DNASE2: variants seen among roughly 807,000 people sequenced by gnomAD.
The protein encoded by DNASE2 is deoxyribonuclease 2, lysosomal.
A neutral mutation model predicts 29.8 loss-of-function variants in DNASE2; 26 were observed. The observed-to-expected ratio is 0.87, with a 90% CI of 0.64 to 1.21. DNASE2 has a LOEUF of 1.21. DNASE2 is among the 50% of genes most tolerant of loss of function. The pLI, the probability that DNASE2 is intolerant of heterozygous loss-of-function variation, is 0.00. For missense variants in DNASE2, 415 were observed against 455.6 expected (o/e 0.91, Z 0.81); for synonymous variants, 186 against 193.5 (o/e 0.96, Z 0.32).
Position 12,878,708 on chromosome 19 carries a change from A to G in DNASE2, c.473T>C (p.Leu158Pro). ...CTGAGCGAAGGGAAAAGACACACAG[A>G]GCAGGGTCTGCCCGTAGGTACAGGC... Reference protein sequence around the residue: ...HSACTYGQTLLCVSFPFAQFS... With the variant: ...HSACTYGQTLPCVSFPFAQFS... Residue 158 changes from leucine (L) to proline (P), a missense_variant, in exon 4 of 6, where the codon CTC (leucine) becomes CCC (proline). Physicochemically the swap from Leu to Pro is moderately conservative, Grantham distance 98 (BLOSUM62 -3). Transcript: ENST00000222219. The G allele has an allele frequency of 6.2e-7, 1 of 1,614,124 alleles. No homozygotes were observed. The highest frequency in any genetic ancestry group is 8.5e-7 in the Non-Finnish European group (1 of 1,180,012).
Position 12,880,889 on chromosome 19 carries a change from G to A in DNASE2, c.268-9C>T, listed in dbSNP as rs1970372711. The A allele has an allele frequency of 1.9e-6, 3 of 1,614,180 alleles. No individual in the cohort carries two copies. Among genetic ancestry groups the A allele is most frequent in the Non-Finnish European group, 8.5e-7 (1 of 1,180,044 alleles). On this transcript the variant is annotated splice_polypyrimidine_tract_variant and intron_variant, in intron 2 of 5. Transcript: ENST00000222219. ...TAGAGCAGGAAGGCGAGCTGCGGGC[G>A]GATAAACGGAGGCAACGTGAAATTC... is the stretch of plus-strand genomic sequence containing the variant.
Position 12,881,080 on chromosome 19 carries a change from A to C in DNASE2, c.159T>G (p.Tyr53Ter), listed in dbSNP as rs761955046. 6.2e-7 allele frequency: 1 copy of C among 1,612,596 alleles called. No homozygotes were observed. Among genetic ancestry groups the C allele is most frequent in the Non-Finnish European group, 8.5e-7 (1 of 1,179,988 alleles). Reference sequence around the variant, plus strand: ...GCCAGCCTCCGGAGCTCTCGTCCAGATACTTGTACTGCAGCCCTCTCTGCG... The same window carrying C: ...GCCAGCCTCCGGAGCTCTCGTCCAGCTACTTGTACTGCAGCCCTCTCTGCG... ...EAAQRGLQYK[Y>*]LDESSGGWRD... The change falls in exon 2 of 6, where the codon TAT (tyrosine) becomes TAG (stop). Residue 53 changes from tyrosine (Y) to a stop codon, truncating the protein, a stop_gained. Transcript: ENST00000222219. LOFTEE classifies it high-confidence loss of function.
At chr19:12,877,066 C>G (rs141484905) in intron 5 of DNASE2, among the ~76,000 whole-genome samples, 1 of 151,694 alleles carries the variant, frequency 6.6e-6, no homozygotes, top group African/African-American at 2.4e-5. Flanking sequence ...TGTAATCAGC[C>G]AGCGCCCTCC....
Position 12,875,836 on chromosome 19 carries a change from G to A in DNASE2, c.*154C>T, listed in dbSNP as rs1970312688. 20 of 870,654 alleles carry A rather than the reference G, an allele frequency of 2.3e-5. No individual in the cohort carries two copies. The highest frequency in any genetic ancestry group is 7.1e-4 in the Middle Eastern group (2 of 2,820). The allele number at this position is 870,654 out of a possible 1,614,324, so 53.9% of individuals were successfully genotyped here. Reference sequence around the variant, plus strand: ...GCTGGGACTACAGGCATTTATCACCGTGCCTGGCTAACTTTTTTTAAGTTC... The same window carrying A: ...GCTGGGACTACAGGCATTTATCACCATGCCTGGCTAACTTTTTTTAAGTTC... On this transcript the variant is annotated 3_prime_UTR_variant, in exon 6 of 6. Coordinates refer to ENST00000222219, the MANE Select transcript of DNASE2 (RefSeq NM_001375.3).
rs367700946 is a variant in DNASE2 at position 12,878,505 on chromosome 19, C to T, written c.586G>A (p.Asp196Asn). The T allele has an allele frequency of 1.2e-5, 20 of 1,613,920 alleles. No homozygotes were observed. Among genetic ancestry groups the T allele is most frequent in the African/African-American group, 8.0e-5 (6 of 74,882 alleles). ...TGGCCCTTGACCACATTCTCCAAGT[C>T]GGGGAATTCCTGGGCAAAGATCCCT... ...LEGIFAQEFP[D>N]LENVVKGHHV... The change falls in exon 5 of 6, where the codon GAC becomes AAC. Residue 196 changes from aspartate (D) to asparagine (N), a missense_variant. Coordinates refer to ENST00000222219, the MANE Select transcript of DNASE2 (RefSeq NM_001375.3).
chr19:12,880,846 T>G lies in DNASE2; in HGVS notation c.302A>C (p.Gln101Pro). The change falls in exon 3 of 6, where the codon CAA becomes CCA. Residue 101 changes from glutamine to proline, a missense_variant. Transcript: ENST00000222219. ...GGAAGAGTCCTGAGCCTTGCTGGGTTGAGGCGGTTGGTCATTGTAGAGCAG... is the reference window on the plus strand; with the variant it reads ...GGAAGAGTCCTGAGCCTTGCTGGGTGGAGGCGGTTGGTCATTGTAGAGCAG... ...AFLLYNDQPP[Q>P]PSKAQDSSMR... 1 of 1,614,172 alleles carries G rather than the reference T, an allele frequency of 6.2e-7. No individual in the cohort carries two copies. Among genetic ancestry groups the G allele is most frequent in the Non-Finnish European group, 8.5e-7 (1 of 1,180,032 alleles).
chr19:12,878,830 G>A lies in DNASE2; in HGVS notation c.351C>T (p.Val117=). The A allele has an allele frequency of 6.2e-7, 1 of 1,612,406 alleles. No individual in the cohort carries two copies. Among genetic ancestry groups the A allele is most frequent in the Non-Finnish European group, 8.5e-7 (1 of 1,179,562 alleles). ...AGCCCCCATCGTGGTCAAGGAGCAG[G>A]ACACCTGGACCAAAAGAAGGCATTA... The part of the protein sequence containing the change: ...DSSMRGHTKG[V]LLLDHDGGFW... The change falls in exon 4 of 6, where the codon GTC becomes GTT. Residue 117 remains valine (V), a synonymous_variant. Transcript: ENST00000222219.
Position 12,881,274 on chromosome 19 carries a change from C to G in DNASE2, c.86+16G>C. 1 of 1,581,518 alleles carries G rather than the reference C, an allele frequency of 6.3e-7. No individual in the cohort carries two copies. Among genetic ancestry groups the G allele is most frequent in the Non-Finnish European group, 8.6e-7 (1 of 1,164,640 alleles). On this transcript the variant is annotated intron_variant, in intron 1 of 5. Coordinates refer to ENST00000222219, the MANE Select transcript of DNASE2 (RefSeq NM_001375.3). ...CGGACCCCGGGGCGATGGTAGGCCC[C>G]CCGCTGCGCACTCACCAGTCTACAG...
At position 12,881,342 on chromosome 19, in the gene DNASE2, C is replaced by A. The variant is rs774263919; in HGVS notation, c.34G>T (p.Val12Phe). 2.6e-6 allele frequency: 4 copies of A among 1,566,184 alleles called. No homozygotes were observed. The highest frequency in any genetic ancestry group is 3.8e-5 in the Admixed American group (2 of 52,678). ...IPLLLAALLC[V>F]PAGALTCYGD... is the part of the protein sequence containing the mutation. The stretch of plus-strand genomic sequence containing the variant: ...TAGCAGGTCAGGGCCCCGGCGGGGA[C>A]GCACAGCAGCGCTGCCAGCAGCAGC... Residue 12 changes from valine (V) to phenylalanine (F), a missense_variant, in exon 1 of 6, where the codon GTC (valine) becomes TTC (phenylalanine). Coordinates refer to ENST00000222219, the MANE Select transcript of DNASE2 (RefSeq NM_001375.3).
chr19:12,876,468 T>C (rs1970322537), intron 5 of DNASE2, 105 bp from the exon 6 acceptor site: 1 of 1,473,218 alleles, frequency 6.8e-7, no homozygotes, highest in South Asian at 1.4e-5. Flanking sequence ...CCTTTTTTTT[T>C]TTTTTTTTTG....
At chr19:12,876,417 C>T (rs1205291182) in intron 5 of DNASE2, 54 bp from the exon 6 acceptor site, 5 of 1,591,992 alleles carry the variant, frequency 3.1e-6, no homozygotes, top group Non-Finnish European at 4.3e-6. Context: ...GCGAGGGAGT[C>T]CCTAGTCCAC....
In DNASE2 at chr19:12,876,337, C is replaced by G; in HGVS notation, c.736G>C (p.Ala246Pro). The G allele has an allele frequency of 1.2e-6, 2 of 1,613,712 alleles. No individual in the cohort carries two copies. Among genetic ancestry groups the G allele is most frequent in the Non-Finnish European group, 1.7e-6 (2 of 1,180,018 alleles). The change falls in exon 6 of 6, where the codon GCC (alanine) becomes CCC (proline). Residue 246 changes from alanine to proline, a missense_variant. Physicochemically the swap from Ala to Pro is conservative, Grantham distance 27. Transcript: ENST00000222219. ...TGGACCTGCAGGTTGGTACCAAGGGCTGCTGCCAACCAGCCGGAGTACAGG... is the reference window on the plus strand; with the variant it reads ...TGGACCTGCAGGTTGGTACCAAGGGGTGCTGCCAACCAGCCGGAGTACAGG... ...DDLYSGWLAA[A>P]LGTNLQVQFW... is the part of the protein sequence containing the mutation.
At position 12,875,315 on chromosome 19, in the gene DNASE2, T is replaced by C; in HGVS notation, c.*675A>G. On this transcript the variant is annotated 3_prime_UTR_variant, in exon 6 of 6. Coordinates refer to ENST00000222219, the MANE Select transcript of DNASE2 (RefSeq NM_001375.3). ...GTCACAGAGCGGTTAAGGCACACAA[T>C]CAAGGTCATACAGCTAGGAAGGGGA... 5.3e-6 allele frequency: 1 copy of C among 189,814 alleles called. No individual in the cohort carries two copies. The highest frequency in any genetic ancestry group is 1.1e-4 in the South Asian group (1 of 9,126). The allele number at this position is 189,814 out of a possible 1,614,324, so 11.8% of individuals were successfully genotyped here.
chr19:12,875,704 C>A lies in DNASE2; in HGVS notation c.*286G>T, dbSNP rs556369183. 1.7e-4 allele frequency: 56 copies of A among 320,036 alleles called. 2 individuals are homozygous for A. Among genetic ancestry groups the A allele is most frequent in the Middle Eastern group, 1.1e-3 (1 of 934 alleles). 19.8% of individuals were successfully genotyped at this position (320,036 alleles called of 1,614,324 possible). ...CCACTGCACCCACCCGTCCCCCGCCCCCCCTTTTTTTTTGAAACAGAGTCT... is the reference window on the plus strand; with the variant it reads ...CCACTGCACCCACCCGTCCCCCGCCACCCCTTTTTTTTTGAAACAGAGTCT... On this transcript the variant is annotated 3_prime_UTR_variant, in exon 6 of 6. Transcript: ENST00000222219.
At position 12,881,002 on chromosome 19, in the gene DNASE2, C is replaced by CA; in HGVS notation, c.236dup (p.Gln80AlafsTer18). 1 of 1,614,044 alleles carries CA rather than the reference C, an allele frequency of 6.2e-7. No individual in the cohort carries two copies. Among genetic ancestry groups the CA allele is most frequent in the Non-Finnish European group, 8.5e-7 (1 of 1,180,016 alleles). ...TGGTGTTGCTCCGGTACAGCGGCTG[C>CA]AGGCTTCGGCCCACGGCCCCCTCCG... is the stretch of plus-strand genomic sequence containing the variant. On this transcript the variant is annotated frameshift_variant, in exon 2 of 6. Transcript: ENST00000222219. LOFTEE classifies it high-confidence loss of function.
In DNASE2 at chr19:12,876,332, A is replaced by C; in HGVS notation, c.741T>G (p.Leu247=). The C allele has an allele frequency of 6.2e-7, 1 of 1,613,918 alleles. No individual in the cohort carries two copies. ...DLYSGWLAAA[L]GTNLQVQFWH... Reference sequence around the variant, plus strand: ...AGAACTGGACCTGCAGGTTGGTACCAAGGGCTGCTGCCAACCAGCCGGAGT... The same window carrying C: ...AGAACTGGACCTGCAGGTTGGTACCCAGGGCTGCTGCCAACCAGCCGGAGT... The change falls in exon 6 of 6, where the codon CTT becomes CTG. Residue 247 remains leucine (L), a synonymous_variant. Transcript: ENST00000222219.
intron 3 of DNASE2, 68 bp downstream of exon 3, chr19:12,880,734 T>G (rs1051257266): frequency 1.0e-5 from 16 of 1,587,900 alleles, no homozygotes; most frequent in South Asian, 9.9e-5. Context: ...GACCACCCCA[T>G]GCACGTCAGG....
rs775947025 is a variant in DNASE2 at position 12,875,961 on chromosome 19, A to G, written c.*29T>C. On this transcript the variant is annotated 3_prime_UTR_variant, in exon 6 of 6. Coordinates refer to ENST00000222219, the MANE Select transcript of DNASE2 (RefSeq NM_001375.3). ...GCTTCCCAAAGTGCTGGGATTACATACGTGAGCCACTGCACCTGGCCATAA... is the reference window on the plus strand; with the variant it reads ...GCTTCCCAAAGTGCTGGGATTACATGCGTGAGCCACTGCACCTGGCCATAA... The G allele has an allele frequency of 2.5e-6, 4 of 1,610,398 alleles. No individual in the cohort carries two copies. The highest frequency in any genetic ancestry group is 3.4e-6 in the Non-Finnish European group (4 of 1,179,836).
chr19:12,880,934 TAG>T, intron 2 of DNASE2, 36 bp downstream of exon 2: 2 of 1,614,168 alleles, frequency 1.2e-6, no homozygotes, highest in South Asian at 2.2e-5. Context: ...AGGGCAGCCC[TAG>T]AGTTTCGCCC....
Sources: allele counts gnomAD v4.1 joint callset (sites outside exome capture counted in the v4.1 genomes callset), GRCh38; gene constraint gnomAD v4.1.1; transcripts MANE v1.5; gene names NCBI Gene and HGNC (gene_info 2026-07-23, HGNC 2026-07-21).